PRDM16: variants seen among roughly 807,000 people sequenced by gnomAD.
PRDM16 encodes histone-lysine N-methyltransferase PRDM16.
In PRDM16, 23 loss-of-function variants were observed where a neutral mutation model predicts 110.6. The ratio of observed to expected loss-of-function variants is 0.21; its 90% CI spans 0.15 to 0.29. The LOEUF (loss-of-function observed/expected upper bound fraction) is 0.29, where lower values mean the gene tolerates loss of function less well. Among genes scored for constraint, PRDM16 ranks in the 10% least tolerant of loss-of-function variants. The pLI is 1.00. For synonymous variants in PRDM16, 799 were observed against 781.8 expected (o/e 1.02, Z -0.37); for missense variants, 1,615 against 1,794.3 (o/e 0.90, Z 1.81).
chr1:3,214,347 G>A (rs1264348192), intron 2 of PRDM16, among the ~76,000 whole-genome samples: 6 of 152,112 alleles, frequency 3.9e-5, no homozygotes, highest in Non-Finnish European at 4.4e-5. Flanking sequence ...GGGCGATGGC[G>A]GCTTTTAAGA....
Position 3,244,017 on chromosome 1 carries a change from A to T in PRDM16, c.388-70A>T. 1.3e-6 allele frequency: 2 copies of T among 1,520,272 alleles called. No homozygotes were observed. Among genetic ancestry groups the T allele is most frequent in the South Asian group, 2.2e-5 (2 of 89,176 alleles). 94.2% of individuals were successfully genotyped at this position (1,520,272 alleles called of 1,614,324 possible). On this transcript the variant is annotated intron_variant, in intron 2 of 16. Transcript: ENST00000270722. The surrounding 1 kb of genome is among the most constrained non-coding windows in gnomAD (Gnocchi z 4.1). Reference sequence around the variant, plus strand: ...TGGGGACAGTGGTTCTGCCCCCACCATTTAGAACCCAGTGTAGCTTGAGAA... The same window carrying T: ...TGGGGACAGTGGTTCTGCCCCCACCTTTTAGAACCCAGTGTAGCTTGAGAA...
At position 3,208,680 on chromosome 1, in the gene PRDM16, A is replaced by G. The variant is rs1487163904; in HGVS notation, c.387+22206A>G. The G allele has an allele frequency of 6.7e-6, 1 of 149,716 alleles. No individual in the cohort carries two copies. The highest frequency in any genetic ancestry group is 6.6e-5 in the Admixed American group (1 of 15,048). The allele number at this position is 149,716 out of a possible 1,614,324, so 9.3% of individuals were successfully genotyped here. A position where few individuals can be genotyped will look rare whatever the true frequency, so the allele number is the denominator to read the frequency against. On this transcript the variant is annotated intron_variant, in intron 2 of 16. Transcript: ENST00000270722. This position sits in a 1 kb window ranked among gnomAD's most constrained non-coding sequence, Gnocchi z 6.1. ...ACTCCGTCTCAAAAAAAAAAAAAAG[A>G]AAAGAAAAGAAAAGAAAAGAAAGTG... is the stretch of plus-strand genomic sequence containing the variant.
intron 3 of PRDM16, among the ~76,000 whole-genome samples, chr1:3,256,808 G>C (rs1640058493): frequency 1.3e-5 from 2 of 152,290 alleles, no homozygotes; most frequent in South Asian, 4.1e-4. Context: ...AGTGAGCCGA[G>C]ATGGCACCAC....
intron 1 of PRDM16, among the ~76,000 whole-genome samples, chr1:3,082,956 G>T (rs1410732626): frequency 6.6e-6 from 1 of 152,212 alleles, no homozygotes; most frequent in Admixed American, 6.5e-5. Flanking sequence ...TGGGACAGAT[G>T]AAACACAGAG....
intron 5 of PRDM16, among the ~76,000 whole-genome samples, chr1:3,399,074 C>T (rs1334345360): frequency 2.0e-5 from 3 of 152,232 alleles, no homozygotes; most frequent in Non-Finnish European, 2.9e-5. Flanking sequence ...CAGATGCATT[C>T]GACTTTGTGT....
intron 3 of PRDM16, among the ~76,000 whole-genome samples, chr1:3,323,305 G>A (rs1641805110): frequency 6.6e-6 from 1 of 152,180 alleles, no homozygotes; most frequent in African/African-American, 2.4e-5. Flanking sequence ...CCGACCTCCT[G>A]GGCTTGGAAC....
rs1443401890 is a variant in PRDM16, at chr1:3,181,794, GCAGTCTTACACA to G, written c.38-4329_38-4318del. 4.6e-3 allele frequency among the ~76,000 whole-genome samples: 567 copies of G among 122,900 alleles called. 10 individuals carry two copies. The highest frequency in any genetic ancestry group is 0.015 in the African/African-American group (484 of 31,584). 80.6% of individuals were successfully genotyped at this position (122,900 alleles called of 152,430 possible). ...GTCTTACACATGCAGTCTTACACAT[GCAGTCTTACACA>G]CGGTCTTACACATGCGGTCTTACAC... On this transcript the variant is annotated intron_variant, in intron 1 of 16. Coordinates refer to ENST00000270722, the MANE Select transcript of PRDM16 (RefSeq NM_022114.4).
chr1:3,240,221 G>C (rs184752836), intron 2 of PRDM16, among the ~76,000 whole-genome samples: 1 of 151,882 alleles, frequency 6.6e-6, no homozygotes, highest in Non-Finnish European at 1.5e-5. Context: ...AGGAGTCCCA[G>C]CCTGGGCAAC....
At chr1:3,200,808 A>G (rs768302731) in intron 2 of PRDM16, among the ~76,000 whole-genome samples, 14 of 152,132 alleles carry the variant, frequency 9.2e-5, no homozygotes, top group Non-Finnish European at 1.6e-4. Flanking sequence ...TCCTGCACCT[A>G]ATCCCAGCCT....
chr1:3,144,226 G>C lies in PRDM16; in HGVS notation c.38-41899G>C, dbSNP rs369305354. Among the ~76,000 whole-genome samples the C allele has an allele frequency of 3.3e-5, 5 of 152,038 alleles. No individual in the cohort carries two copies. In the South Asian group the frequency reaches 1.0e-3, roughly 32 times the overall value. The stretch of plus-strand genomic sequence containing the variant: ...TGTGGGCACCATCACTGCCCTGGAT[G>C]GGGGCCCGGCCCCACAGGGACCCAG... On this transcript the variant is annotated intron_variant, in intron 1 of 16. Coordinates refer to ENST00000270722, the MANE Select transcript of PRDM16 (RefSeq NM_022114.4).
intron 3 of PRDM16, among the ~76,000 whole-genome samples, chr1:3,297,027 A>G (rs1432407384): frequency 6.6e-6 from 1 of 152,188 alleles, no homozygotes; most frequent in Non-Finnish European, 1.5e-5. Context: ...TGAATACTGT[A>G]CTGAAAGTAA....
Position 3,433,780 on chromosome 1 carries a change from CTG to C in PRDM16, c.3801_3802del (p.Gly1268SerfsTer68). On this transcript the variant is annotated frameshift_variant, in exon 17 of 17. Transcript: ENST00000270722. LOFTEE classifies it high-confidence loss of function. ...AAGGTCACTGGAGCCACGTCGGAGT[CTG>C]GAGCATTTCACCCCATCAACCACCT... The C allele has an allele frequency of 6.2e-7, 1 of 1,613,786 alleles. No individual in the cohort carries two copies. The highest frequency in any genetic ancestry group is 8.5e-7 in the Non-Finnish European group (1 of 1,179,902).
At chr1:3,315,637 G>A (rs908010118) in intron 3 of PRDM16, among the ~76,000 whole-genome samples, 5 of 152,128 alleles carry the variant, frequency 3.3e-5, no homozygotes, top group Non-Finnish European at 7.3e-5. Flanking sequence ...GGGCCTGAGC[G>A]CTTTTGTCTT....
rs980918252 is a variant in PRDM16 at position 3,195,594 on chromosome 1, C to T, written c.387+9120C>T. On this transcript the variant is annotated intron_variant, in intron 2 of 16. Coordinates refer to ENST00000270722, the MANE Select transcript of PRDM16 (RefSeq NM_022114.4). ...ATCGCATCCCACACGCCCCGCCCCC[C>T]CTGTCCCAGTGACACCCAGAGCCCA... Among the ~76,000 whole-genome samples the T allele has an allele frequency of 2.0e-5, 3 of 149,742 alleles. No individual in the cohort carries two copies. In the South Asian group the frequency reaches 6.4e-4, roughly 32 times the overall value.
intron 2 of PRDM16, among the ~76,000 whole-genome samples, chr1:3,211,673 G>T (rs72848013): frequency 6.6e-6 from 1 of 152,180 alleles, no homozygotes; most frequent in Non-Finnish European, 1.5e-5. Context: ...GTCAGTGCTC[G>T]CTCACCCTGC....
chr1:3,116,064 A>G (rs1642951588), intron 1 of PRDM16, among the ~76,000 whole-genome samples: 1 of 152,200 alleles, frequency 6.6e-6, no homozygotes, highest in Non-Finnish European at 1.5e-5. Flanking sequence ...AGGTGTGGCC[A>G]GCCGGAGCCC....
intron 4 of PRDM16, among the ~76,000 whole-genome samples, chr1:3,388,614 T>C (rs933210355): frequency 1.1e-4 from 16 of 152,168 alleles, no homozygotes; most frequent in African/African-American, 3.9e-4. Context: ...TCTACTGGGC[T>C]GAGGAGAGAG....
chr1:3,087,038 A>G (rs1642166919), intron 1 of PRDM16, among the ~76,000 whole-genome samples: 1 of 152,340 alleles, frequency 6.6e-6, no homozygotes, highest in African/African-American at 2.4e-5. Flanking sequence ...GCCAACAGCG[A>G]CATGCTCGTA....
rs1638890651 is a variant in PRDM16, at chr1:3,435,748, C to G, written c.*1937C>G. The G allele has an allele frequency of 4.3e-6, 1 of 232,488 alleles. No homozygotes were observed. The highest frequency in any genetic ancestry group is 8.5e-6 in the Non-Finnish European group (1 of 117,678). 14.4% of individuals were successfully genotyped at this position (232,488 alleles called of 1,614,324 possible). A position where few individuals can be genotyped will look rare whatever the true frequency, so the allele number is the denominator to read the frequency against. ...GTGACGGGAGGTGTCCTGGCTGCTC[C>G]AGGACAAAAGACAATCGTCTCTGTG... On this transcript the variant is annotated 3_prime_UTR_variant, in exon 17 of 17. Coordinates refer to ENST00000270722, the MANE Select transcript of PRDM16 (RefSeq NM_022114.4).
Sources: gnomAD v4.1 joint callset for allele counts (sites outside exome capture counted in the v4.1 genomes callset) on GRCh38, gnomAD v4.1.1 for gene constraint, Gnocchi (gnomAD v3.1) non-coding constraint, MANE v1.5 for transcripts, NCBI Gene and HGNC (gene_info 2026-07-23, HGNC 2026-07-21) for gene names.